BIN1: variants seen among roughly 807,000 people sequenced by gnomAD.
BIN1 encodes the protein bridging integrator 1, also known as myc box-dependent-interacting protein 1.
In BIN1, 53 loss-of-function variants were observed where a neutral mutation model predicts 82.0. The observed-to-expected ratio is 0.65, with a 90% CI of 0.52 to 0.81. The LOEUF is 0.81. BIN1 is among the 40% of genes least tolerant of loss of function. The probability of loss-of-function intolerance (pLI) is 0.00; values close to 1 mark genes in which losing one functional copy is unlikely to be tolerated. For missense variants in BIN1, 642 were observed against 784.4 expected (o/e 0.82, Z 2.17); for synonymous variants, 302 against 328.0 (o/e 0.92, Z 0.86).
At chr2:127,072,977 C>A (rs1430406314) in intron 2 of BIN1, among the ~76,000 whole-genome samples, 1 of 152,226 alleles carries the variant, frequency 6.6e-6, no homozygotes, top group African/African-American at 2.4e-5. Context: ...GCTTCTCTCC[C>A]TGCCAGGCCT....
At chr2:127,105,625 T>C (rs1416700673) in intron 1 of BIN1, among the ~76,000 whole-genome samples, 1 of 152,102 alleles carries the variant, frequency 6.6e-6, no homozygotes, top group Non-Finnish European at 1.5e-5. Flanking sequence ...GCAGTAGGAC[T>C]CTGAGGGAGG....
chr2:127,064,999 AG>A (rs995537554), intron 7 of BIN1: 32 of 152,304 alleles, frequency 2.1e-4, no homozygotes, highest in African/African-American at 6.0e-4. Flanking sequence ...TCCCGCCAGC[AG>A]CCTCACGTTC....
intron 1 of BIN1, among the ~76,000 whole-genome samples, chr2:127,089,580 G>A (rs1167597830): frequency 6.6e-6 from 1 of 152,114 alleles, no homozygotes; most frequent in Non-Finnish European, 1.5e-5. Context: ...ACAATGGCCA[G>A]GAACCCTGGG....
intron 1 of BIN1, among the ~76,000 whole-genome samples, chr2:127,088,912 GT>G (rs1678547195): frequency 6.6e-6 from 1 of 152,102 alleles, no homozygotes; most frequent in South Asian, 2.1e-4. Context: ...AACTCAGTGA[GT>G]GCAAAGGCCC....
rs374565677 is a variant in BIN1 at position 127,059,088 on chromosome 2, C to T, written c.925G>A (p.Glu309Lys). ...PPDGSPAATP[E>K]IRVNHEPEPA... ...TCTGGCTCGTGGTTGACTCTGATCTCGGGGGTGGCGGCAGGGGAGCCATCT... is the reference window on the plus strand; with the variant it reads ...TCTGGCTCGTGGTTGACTCTGATCTTGGGGGTGGCGGCAGGGGAGCCATCT... The change falls in exon 11 of 19, where the codon GAG becomes AAG. Residue 309 changes from glutamate to lysine, a missense_variant. By Grantham distance (56) the Glu-to-Lys change is moderately conservative. Transcript: ENST00000316724. The surrounding 1 kb of genome is among the most constrained non-coding windows in gnomAD (Gnocchi z 6.7). The T allele has an allele frequency of 2.4e-4, 380 of 1,591,714 alleles. No individual in the cohort carries two copies. The highest frequency in any genetic ancestry group is 3.1e-4 in the Non-Finnish European group (368 of 1,170,330).
chr2:127,059,968 T>C lies in BIN1; in HGVS notation c.858-813A>G, dbSNP rs1429654289. Among the ~76,000 whole-genome samples the C allele has an allele frequency of 2.0e-5, 3 of 152,158 alleles. No homozygotes were observed. Among genetic ancestry groups the C allele is most frequent in the Non-Finnish European group, 2.9e-5 (2 of 68,026 alleles). ...AATGCAAACTCAAAGCAATGAAATTTACGTGTAATTCAAATGAAAAGTTCC... is the reference window on the plus strand; with the variant it reads ...AATGCAAACTCAAAGCAATGAAATTCACGTGTAATTCAAATGAAAAGTTCC... On this transcript the variant is annotated intron_variant, in intron 10 of 18. Coordinates refer to ENST00000316724, the MANE Select transcript of BIN1 (RefSeq NM_139343.3). The surrounding 1 kb of genome is among the most constrained non-coding windows in gnomAD (Gnocchi z 6.7).
At chr2:127,072,590 A>C (rs879610261) in intron 2 of BIN1, among the ~76,000 whole-genome samples, 9 of 151,372 alleles carry the variant, frequency 5.9e-5, no homozygotes, top group Admixed American at 1.3e-4. Flanking sequence ...AGAGCAGCAC[A>C]TAAGATGTAT....
intron 1 of BIN1, among the ~76,000 whole-genome samples, chr2:127,083,603 TC>T (rs1189997481): frequency 3.3e-5 from 5 of 152,220 alleles, no homozygotes; most frequent in Admixed American, 3.3e-4. Flanking sequence ...TACCACACGG[TC>T]CGCATTCAAA....
rs1685345763 is a variant in BIN1, at chr2:127,067,862, G to A, written c.612+301C>T. ...AGAGGAGCCCTCACAGAGGACAATG[G>A]CTCAAAGGCATTCCTGGACCACTAG... On this transcript the variant is annotated intron_variant, in intron 7 of 18. Transcript: ENST00000316724. This position sits in a 1 kb window ranked among gnomAD's most constrained non-coding sequence, Gnocchi z 4.7. Among the ~76,000 whole-genome samples the A allele has an allele frequency of 1.3e-5, 2 of 152,182 alleles. No individual in the cohort carries two copies. The highest frequency in any genetic ancestry group is 4.1e-4 in the South Asian group (2 of 4,830).
At chr2:127,083,841 T>C (rs1002721184) in intron 1 of BIN1, among the ~76,000 whole-genome samples, 4 of 152,242 alleles carry the variant, frequency 2.6e-5, no homozygotes, top group African/African-American at 9.6e-5. Flanking sequence ...CATCTGATTG[T>C]TTCCTTGTGA....
At chr2:127,106,743 T>C in intron 1 of BIN1, 117 bp downstream of exon 1, 2 of 1,312,892 alleles carry the variant, frequency 1.5e-6, no homozygotes, top group Admixed American at 4.2e-5. Flanking sequence ...CCTCTAGAGG[T>C]GACAGCACCA....
chr2:127,050,478 C>T lies in BIN1; in HGVS notation c.1617G>A (p.Leu539=). ...GCACCACATCACCAGCCTTGAGCTG[C>T]AGCTCGTCTGTGTCAGTGGCCGTGT... ...HDYTATDTDE[L]QLKAGDVVLV... Residue 539 remains leucine (L), a synonymous_variant, in exon 18 of 19, where the codon CTG becomes CTA. Transcript: ENST00000316724. The T allele has an allele frequency of 2.5e-6, 4 of 1,614,258 alleles. No individual in the cohort carries two copies. Among genetic ancestry groups the T allele is most frequent in the South Asian group, 1.1e-5 (1 of 91,090 alleles).
At position 127,063,651 on chromosome 2, in the gene BIN1, A is replaced by G. The variant is rs1573608578; in HGVS notation, c.699-5T>C. On this transcript the variant is annotated splice_region_variant and splice_polypyrimidine_tract_variant and intron_variant, in intron 8 of 18. Coordinates refer to ENST00000316724, the MANE Select transcript of BIN1 (RefSeq NM_139343.3). ...TTGACGTAGAAACCTACGCGGCTAC[A>G]GAAGGGCGGAAGGATGGGGGCCAGG... 1.9e-6 allele frequency: 3 copies of G among 1,613,124 alleles called. No individual in the cohort carries two copies. The highest frequency in any genetic ancestry group is 2.5e-6 in the Non-Finnish European group (3 of 1,179,646).
At chr2:127,081,783 C>G in intron 1 of BIN1, 1 of 1,283,794 alleles carries the variant, frequency 7.8e-7, no homozygotes, top group Non-Finnish European at 1.0e-6. Context: ...CCCTCCCAGG[C>G]ACCCACCACC....
At chr2:127,088,162 G>A (rs372891656) in intron 1 of BIN1, among the ~76,000 whole-genome samples, 51 of 152,314 alleles carry the variant, frequency 3.3e-4, no homozygotes, top group Non-Finnish European at 6.3e-4. Context: ...CTGGCCAGAC[G>A]CAGGAGGGAT....
intron 1 of BIN1, among the ~76,000 whole-genome samples, chr2:127,083,776 G>GT (rs1286669827): frequency 1.3e-5 from 2 of 152,128 alleles, no homozygotes; most frequent in Non-Finnish European, 2.9e-5. Flanking sequence ...CGTGATACTG[G>GT]TATCTTTTTA....
intron 1 of BIN1, among the ~76,000 whole-genome samples, chr2:127,094,047 C>T (rs1679273670): frequency 6.6e-6 from 1 of 152,196 alleles, no homozygotes; most frequent in Non-Finnish European, 1.5e-5. Context: ...AGCCGGCACC[C>T]CGACCTTCAG....
intron 14 of BIN1, 140 bp downstream of exon 14, chr2:127,053,282 G>T: frequency 7.9e-7 from 1 of 1,265,044 alleles, no homozygotes; most frequent in Non-Finnish European, 1.1e-6. Context: ...CCCTGTGCGT[G>T]AGCACGTGCC....
intron 15 of BIN1, 25 bp from the exon 16 acceptor site, chr2:127,051,268 G>T: frequency 6.2e-7 from 1 of 1,611,716 alleles, no homozygotes; most frequent in Non-Finnish European, 8.5e-7. Context: ...CCGGCTTGGG[G>T]TCAGACACAG....
Sources: allele counts gnomAD v4.1 joint callset (sites outside exome capture counted in the v4.1 genomes callset), GRCh38; gene constraint gnomAD v4.1.1; non-coding constraint Gnocchi (gnomAD v3.1); transcripts MANE v1.5; gene names NCBI Gene and HGNC (gene_info 2026-07-23, HGNC 2026-07-21).